MICU1: variants seen among roughly 807,000 people sequenced by gnomAD.
The protein encoded by MICU1 is mitochondrial calcium uptake 1.
Under a neutral mutation model 56.8 loss-of-function variants are expected in MICU1, and 45 were observed. The ratio of observed to expected loss-of-function variants is 0.79; its 90% confidence interval spans 0.62 to 1.02. The LOEUF (loss-of-function observed/expected upper bound fraction) is 1.02. Ranked by LOEUF, MICU1 falls within the 50% of genes least tolerant of loss-of-function variation. The pLI is 0.00. For missense variants in MICU1, 504 were observed against 587.1 expected (o/e 0.86, Z 1.46); for synonymous variants, 186 against 195.1 (o/e 0.95, Z 0.39).
At chr10:72,552,356 C>A (rs942668867) in intron 3 of MICU1, among the ~76,000 whole-genome samples, 1 of 152,050 alleles carries the variant, frequency 6.6e-6, no homozygotes, top group African/African-American at 2.4e-5. Context: ...AATACTACAC[C>A]AGCCACATAA....
rs1007070484 is a variant in MICU1 at position 72,368,019 on chromosome 10, C to G, written c.*176G>C. 1.6e-6 allele frequency: 1 copy of G among 616,698 alleles called. No individual in the cohort carries two copies. The highest frequency in any genetic ancestry group is 1.8e-5 in the African/African-American group (1 of 54,186). 38.2% of individuals were successfully genotyped at this position (616,698 alleles called of 1,614,324 possible). ...GGATACTCATTGGGCAGAATCAGAG[C>G]CCAGCAGAACACGGGGACGGGGAAG... On this transcript the variant is annotated 3_prime_UTR_variant, in exon 12 of 12. Coordinates refer to ENST00000361114, the MANE Select transcript of MICU1 (RefSeq NM_001195518.2).
At chr10:72,592,567 A>T (rs990003004) in intron 1 of MICU1, among the ~76,000 whole-genome samples, 1 of 152,196 alleles carries the variant, frequency 6.6e-6, no homozygotes, top group African/African-American at 2.4e-5. Flanking sequence ...CTGGTGTAAA[A>T]ATCCTAAACA....
At chr10:72,522,984 CA>C (rs932598661) in intron 5 of MICU1, among the ~76,000 whole-genome samples, 2 of 152,136 alleles carry the variant, frequency 1.3e-5, no homozygotes, top group African/African-American at 4.8e-5. Context: ...AATCCCTGAT[CA>C]ACCAAGGACA....
intron 6 of MICU1, among the ~76,000 whole-genome samples, chr10:72,480,158 G>A (rs1866246023): frequency 6.6e-6 from 1 of 152,166 alleles, no homozygotes. Context: ...GTAATGGAGA[G>A]GAGGGACACA....
intron 10 of MICU1, among the ~76,000 whole-genome samples, chr10:72,378,013 G>A (rs908005888): frequency 1.3e-5 from 2 of 152,208 alleles, no homozygotes; most frequent in Admixed American, 6.5e-5. Context: ...ACTTTGGGAG[G>A]CCAAGGCTGA....
intron 6 of MICU1, among the ~76,000 whole-genome samples, chr10:72,487,995 G>A (rs763075194): frequency 4.5e-4 from 69 of 151,964 alleles, no homozygotes; most frequent in Non-Finnish European, 8.4e-4. Flanking sequence ...TCAGGAGTTC[G>A]AGACCAGCCT....
chr10:72,567,017 G>C (rs951166282), intron 1 of MICU1, among the ~76,000 whole-genome samples: 14 of 152,164 alleles, frequency 9.2e-5, no homozygotes, highest in Non-Finnish European at 2.9e-5. Context: ...TTAGAAGACA[G>C]AAACCACATG....
At chr10:72,449,108 A>T (rs892101047) in intron 8 of MICU1, among the ~76,000 whole-genome samples, 4 of 152,120 alleles carry the variant, frequency 2.6e-5, no homozygotes, top group Non-Finnish European at 4.4e-5. Flanking sequence ...AATTTAAAAA[A>T]TTTTTTAATC....
In MICU1 at chr10:72,551,269, T is replaced by C; in HGVS notation, c.403A>G (p.Lys135Glu). The stretch of plus-strand genomic sequence containing the variant: ...GCTTCACCAGGCTCACTGATGACTT[T>C]CAAGGTGGCAAAATATCGGAAGATT... ...DKIFRYFATL[K>E]VISEPGEAEV... is the part of the protein sequence containing the mutation. The change falls in exon 4 of 12, where the codon AAA becomes GAA. Residue 135 changes from lysine to glutamate, a missense_variant. By Grantham distance (56) the Lys-to-Glu change is moderately conservative. Transcript: ENST00000361114. 6.2e-7 allele frequency: 1 copy of C among 1,613,600 alleles called. No individual in the cohort carries two copies. Among genetic ancestry groups the C allele is most frequent in the Non-Finnish European group, 8.5e-7 (1 of 1,179,688 alleles).
intron 11 of MICU1, among the ~76,000 whole-genome samples, chr10:72,368,981 A>G (rs1862237123): frequency 6.6e-6 from 1 of 152,146 alleles, no homozygotes; most frequent in Non-Finnish European, 1.5e-5. Context: ...AAGTAAACTA[A>G]GGAGGAAGGC....
chr10:72,472,589 A>G (rs1051896296), intron 8 of MICU1, among the ~76,000 whole-genome samples: 1 of 152,218 alleles, frequency 6.6e-6, no homozygotes, highest in African/African-American at 2.4e-5. Context: ...AATCCTATAC[A>G]GTATTTAGTT....
At chr10:72,592,389 T>C (rs779931882) in intron 1 of MICU1, among the ~76,000 whole-genome samples, 9 of 152,082 alleles carry the variant, frequency 5.9e-5, no homozygotes, top group Non-Finnish European at 1.0e-4. Flanking sequence ...TGGTGAATTC[T>C]ACTAAACATT....
chr10:72,461,666 T>A (rs1865642372), intron 8 of MICU1, among the ~76,000 whole-genome samples: 1 of 152,210 alleles, frequency 6.6e-6, no homozygotes, highest in Admixed American at 6.6e-5. Context: ...GAAAAGACTC[T>A]GAGCCGGGCA....
chr10:72,455,806 T>C (rs1412156030), intron 8 of MICU1, among the ~76,000 whole-genome samples: 1 of 151,692 alleles, frequency 6.6e-6, no homozygotes, highest in East Asian at 1.9e-4. Context: ...ACTAAACCTC[T>C]ATATCCTGAA....
intron 1 of MICU1, among the ~76,000 whole-genome samples, chr10:72,599,089 T>C (rs1359472092): frequency 1.3e-5 from 2 of 152,216 alleles, no homozygotes; most frequent in African/African-American, 4.8e-5. Context: ...TCCTCATCTT[T>C]ATCCCCAGGC....
intron 5 of MICU1, chr10:72,528,763 G>T: frequency 4.4e-6 from 1 of 227,138 alleles, no homozygotes; most frequent in South Asian, 4.2e-5. Context: ...CTTATTCTAG[G>T]GTCTTATTTT....
chr10:72,563,163 T>C (rs1054530436), intron 2 of MICU1, 100 bp from the exon 3 acceptor site: 40 of 884,552 alleles, frequency 4.5e-5, no homozygotes, highest in Middle Eastern at 5.2e-4. Context: ...GCAATGAAAT[T>C]TGTCAAATAT....
chr10:72,463,294 A>G (rs1049423414), intron 8 of MICU1, among the ~76,000 whole-genome samples: 3 of 152,162 alleles, frequency 2.0e-5, no homozygotes, highest in Admixed American at 6.5e-5. Context: ...AACTCCCAAC[A>G]TCAGGTGATC....
chr10:72,375,815 C>T lies in MICU1; in HGVS notation c.1238G>A (p.Cys413Tyr). Residue 413 changes from cysteine to tyrosine, a missense_variant, in exon 11 of 12, where the codon TGT becomes TAT. Transcript: ENST00000361114. ...GTCAAAGAGTGCAAACACCACATCACACACGTGGTCTGAGAGCTCCACTTT... is the reference window on the plus strand; with the variant it reads ...GTCAAAGAGTGCAAACACCACATCATACACGTGGTCTGAGAGCTCCACTTT... ...VAKVELSDHVCDVVFALFDCD... is the reference protein window; with the variant it reads ...VAKVELSDHVYDVVFALFDCD... 1.2e-6 allele frequency: 2 copies of T among 1,613,420 alleles called. No homozygotes were observed. The highest frequency in any genetic ancestry group is 1.7e-6 in the Non-Finnish European group (2 of 1,179,710).
Sources: allele counts gnomAD v4.1 joint callset (sites outside exome capture counted in the v4.1 genomes callset), GRCh38; gene constraint gnomAD v4.1.1; transcripts MANE v1.5; gene names NCBI Gene and HGNC (gene_info 2026-07-23, HGNC 2026-07-21).